The following UMAD1 variants were observed in gnomAD, a reference collection of about 807,000 sequenced individuals.
The protein encoded by UMAD1 is UBAP1-MVB12-associated (UMA) domain containing 1.
UMAD1 carries 8 observed loss-of-function variants against 6.1 expected under a neutral mutation model. The ratio of observed to expected loss-of-function variants is 1.30; its 90% CI spans 0.76 to 2.35. The LOEUF is 2.35. Ranked by LOEUF, UMAD1 falls within the 30% of genes most tolerant of loss-of-function variation. The pLI is 0.00. For missense variants in UMAD1, 130 were observed against 78.4 expected (o/e 1.66, Z -2.49); for synonymous variants, 56 against 31.4 (o/e 1.78, Z -2.61).
chr7:7,762,233 G>C (rs1583806753), intron 2 of UMAD1, among the ~76,000 whole-genome samples: 1 of 152,268 alleles, frequency 6.6e-6, no homozygotes, highest in African/African-American at 2.4e-5. Context: ...TCATATGGGT[G>C]TGTCTAATTC....
At chr7:7,696,065 G>T (rs1190373915) in intron 2 of UMAD1, among the ~76,000 whole-genome samples, 1 of 150,018 alleles carries the variant, frequency 6.7e-6, no homozygotes, top group Non-Finnish European at 1.5e-5. Flanking sequence ...GATTACAGTG[G>T]TGTGATCACA....
At chr7:7,642,957 G>A (rs750777909) in intron 1 of UMAD1, among the ~76,000 whole-genome samples, 2 of 152,072 alleles carry the variant, frequency 1.3e-5, no homozygotes, top group African/African-American at 4.8e-5. Context: ...TGTATCTTCT[G>A]ACTTCTTTTG....
chr7:7,684,460 C>T lies in UMAD1; in HGVS notation c.82+11007C>T, dbSNP rs142597443. On this transcript the variant is annotated intron_variant, in intron 2 of 3. Transcript: ENST00000682710. ...CTGGCCTTGAGTGATCCACCCCTTTCGGCCTCCCAAAGTGTTGGGATTACT... is the reference window on the plus strand; with the variant it reads ...CTGGCCTTGAGTGATCCACCCCTTTTGGCCTCCCAAAGTGTTGGGATTACT... Among the ~76,000 whole-genome samples, 704 of 152,056 alleles carry T rather than the reference C, an allele frequency of 4.6e-3. 8 individuals carry two copies. Among genetic ancestry groups the T allele is most frequent in the African/African-American group, 0.016 (656 of 41,464 alleles).
chr7:7,664,136 A>C (rs1779370543), intron 1 of UMAD1, among the ~76,000 whole-genome samples: 1 of 152,204 alleles, frequency 6.6e-6, no homozygotes, highest in Admixed American at 6.5e-5. Flanking sequence ...CTGGATTTCC[A>C]GTTTGTCTTG....
rs1486256640 is a variant in UMAD1 at position 7,872,253 on chromosome 7, TA to T, written c.157-5027del. Among the ~76,000 whole-genome samples the T allele has an allele frequency of 7.2e-5, 11 of 152,308 alleles. 1 individual carries two copies. Among genetic ancestry groups the T allele is most frequent in the Admixed American group, 2.0e-4 (3 of 15,300 alleles). On this transcript the variant is annotated intron_variant, in intron 3 of 3. Coordinates refer to ENST00000682710, the MANE Select transcript of UMAD1 (RefSeq NM_001302348.2). ...CCACATAAATTTTTTTGTTTCCCACTACATATAAAAGTTATGCTTACACTAT... is the reference window on the plus strand; with the variant it reads ...CCACATAAATTTTTTTGTTTCCCACTCATATAAAAGTTATGCTTACACTAT...
chr7:7,669,391 G>A (rs28916005), intron 1 of UMAD1, among the ~76,000 whole-genome samples: 23,014 of 152,178 alleles, frequency 0.15, 2,151 homozygotes, highest in Middle Eastern at 0.23. Flanking sequence ...ATAGAGGGGA[G>A]ATCTAAGAAT....
chr7:7,685,625 T>A (rs1780026608), intron 2 of UMAD1, among the ~76,000 whole-genome samples: 1 of 152,194 alleles, frequency 6.6e-6, no homozygotes, highest in Admixed American at 6.5e-5. Flanking sequence ...TCTTTATAAA[T>A]GTGAATTTCT....
At chr7:7,769,013 G>T (rs1782049310) in intron 2 of UMAD1, among the ~76,000 whole-genome samples, 1 of 152,176 alleles carries the variant, frequency 6.6e-6, no homozygotes, top group Non-Finnish European at 1.5e-5. Context: ...TGACTAAAAG[G>T]ACCAGTGCAT....
chr7:7,664,757 G>C (rs186183886), intron 1 of UMAD1, among the ~76,000 whole-genome samples: 139 of 152,258 alleles, frequency 9.1e-4, no homozygotes, highest in African/African-American at 3.2e-3. Context: ...CGTTGTTTTA[G>C]GTTGTGTATT....
At chr7:7,772,419 G>A (rs1782119173) in intron 2 of UMAD1, 1 of 152,196 alleles carries the variant, frequency 6.6e-6, no homozygotes, top group Non-Finnish European at 1.5e-5. Context: ...GCTTTGAAAG[G>A]TAGGCGGATG....
chr7:7,724,042 A>G (rs1299509127), intron 2 of UMAD1, among the ~76,000 whole-genome samples: 2 of 152,192 alleles, frequency 1.3e-5, no homozygotes, highest in East Asian at 3.8e-4. Context: ...AACCCCTTGA[A>G]TGAAGGGGAG....
At chr7:7,693,916 A>G (rs954209197) in intron 2 of UMAD1, among the ~76,000 whole-genome samples, 1 of 152,264 alleles carries the variant, frequency 6.6e-6, no homozygotes, top group South Asian at 2.1e-4. Context: ...TAAAATGGCA[A>G]TTATTAAAAA....
chr7:7,661,208 A>G (rs1315422820), intron 1 of UMAD1, among the ~76,000 whole-genome samples: 2 of 152,108 alleles, frequency 1.3e-5, no homozygotes, highest in Non-Finnish European at 2.9e-5. Flanking sequence ...CTAGTTAGCA[A>G]TTCATCTAAC....
At chr7:7,710,403 G>A (rs1280106119) in intron 2 of UMAD1, among the ~76,000 whole-genome samples, 1 of 152,026 alleles carries the variant, frequency 6.6e-6, no homozygotes, top group South Asian at 2.1e-4. Context: ...TAGAAAATGG[G>A]CAAAAGACAT....
At chr7:7,654,026 C>T (rs1785285567) in intron 1 of UMAD1, among the ~76,000 whole-genome samples, 1 of 152,152 alleles carries the variant, frequency 6.6e-6, no homozygotes, top group Non-Finnish European at 1.5e-5. Flanking sequence ...CTTTATTATT[C>T]CGTTCTGTTT....
At chr7:7,841,108 T>C (rs1480082131) in intron 3 of UMAD1, among the ~76,000 whole-genome samples, 1 of 152,200 alleles carries the variant, frequency 6.6e-6, no homozygotes, top group Non-Finnish European at 1.5e-5. Context: ...TATAACATTC[T>C]AATATTTTAT....
intron 2 of UMAD1, among the ~76,000 whole-genome samples, chr7:7,721,676 C>G (rs1781052138): frequency 6.6e-6 from 1 of 152,178 alleles, no homozygotes; most frequent in African/African-American, 2.4e-5. Flanking sequence ...TGTGCTGCCT[C>G]TTCCTCCTCC....
intron 2 of UMAD1, among the ~76,000 whole-genome samples, chr7:7,715,529 G>T (rs1382501716): frequency 1.3e-5 from 2 of 152,162 alleles, no homozygotes; most frequent in African/African-American, 4.8e-5. Context: ...GAATATTTCT[G>T]TGTGCTAGGT....
chr7:7,736,254 G>A (rs1397291534), intron 2 of UMAD1: 1 of 152,334 alleles, frequency 6.6e-6, no homozygotes, highest in Non-Finnish European at 1.5e-5. Flanking sequence ...CTGCTGGTCA[G>A]GCCTTCTTCC....
Sources: allele counts gnomAD v4.1 joint callset (sites outside exome capture counted in the v4.1 genomes callset), GRCh38; gene constraint gnomAD v4.1.1; transcripts MANE v1.5; gene names NCBI Gene and HGNC (gene_info 2026-07-23, HGNC 2026-07-21).